The following ESR1 variants were observed in gnomAD, a reference collection of about 807,000 sequenced individuals.
The protein encoded by ESR1 is estrogen receptor 1.
In ESR1, 12 loss-of-function variants were observed where a neutral mutation model predicts 52.7. The observed-to-expected ratio is 0.23, with a 90% CI of 0.15 to 0.37. ESR1 has a LOEUF of 0.37. ESR1 is among the 10% of genes least tolerant of loss of function. The pLI is 1.00. For synonymous variants in ESR1, 305 were observed against 316.8 expected (o/e 0.96, Z 0.39); for missense variants, 584 against 779.7 (o/e 0.75, Z 2.99).
intron 4 of ESR1, among the ~76,000 whole-genome samples, chr6:151,993,851 C>G (rs1223740184): frequency 3.3e-5 from 5 of 152,164 alleles, no homozygotes; most frequent in Non-Finnish European, 7.3e-5. Context: ...CCATTGGACA[C>G]ACTGCCACTT....
intron 2 of ESR1, among the ~76,000 whole-genome samples, chr6:151,728,394 T>C (rs962401879): frequency 2.6e-5 from 4 of 152,290 alleles, no homozygotes; most frequent in South Asian, 2.1e-4. Context: ...CATTGAAAAA[T>C]GTTTAAATCT....
intron 2 of ESR1, among the ~76,000 whole-genome samples, chr6:151,772,053 C>A (rs1398952236): frequency 2.0e-5 from 3 of 152,156 alleles, no homozygotes; most frequent in Non-Finnish European, 4.4e-5. Flanking sequence ...TGCCTAAATG[C>A]CTCATTTTGG....
downstream of ESR1, among the ~76,000 whole-genome samples, chr6:152,105,065 C>T (rs926848): frequency 0.046 from 6,941 of 152,272 alleles, 374 homozygotes; most frequent in East Asian, 0.26. Flanking sequence ...GGAGAGGACA[C>T]GGAGGCTCTT....
chr6:151,850,017 TATATAC>T (rs1786106268), intron 2 of ESR1, among the ~76,000 whole-genome samples: 1 of 129,942 alleles, frequency 7.7e-6, no homozygotes, highest in Non-Finnish European at 1.6e-5. Context: ...ATTTTGTATA[TATATAC>T]AAAATTATAT....
intron 4 of ESR1, among the ~76,000 whole-genome samples, chr6:151,961,200 A>G (rs940269312): frequency 6.6e-6 from 1 of 152,072 alleles, no homozygotes; most frequent in Non-Finnish European, 1.5e-5. Flanking sequence ...TGTAAAAAGG[A>G]AAGGGAAGGA....
At chr6:151,709,465 A>C (rs1356653468) in intron 2 of ESR1, among the ~76,000 whole-genome samples, 1 of 152,162 alleles carries the variant, frequency 6.6e-6, no homozygotes, top group Non-Finnish European at 1.5e-5. Context: ...TATGGCTTTG[A>C]CATACTGAAT....
chr6:151,777,284 A>G (rs909429667), intron 2 of ESR1, among the ~76,000 whole-genome samples: 1 of 151,364 alleles, frequency 6.6e-6, no homozygotes, highest in East Asian at 2.0e-4. Context: ...AGCCTGGCTA[A>G]TTTTTTGTAT....
intron 4 of ESR1, among the ~76,000 whole-genome samples, chr6:151,975,169 C>A (rs974537557): frequency 1.4e-4 from 22 of 152,098 alleles, no homozygotes; most frequent in African/African-American, 5.1e-4. Flanking sequence ...GTCCTCTTGG[C>A]CTGGCCACTG....
chr6:151,941,584 G>A (rs764308098), intron 3 of ESR1, among the ~76,000 whole-genome samples: 3 of 150,910 alleles, frequency 2.0e-5, no homozygotes, highest in Non-Finnish European at 4.4e-5. Flanking sequence ...GAAGATGGTA[G>A]AGTCATATAG....
At chr6:151,816,280 C>T (rs1029851606) in intron 1 of ESR1, among the ~76,000 whole-genome samples, 3 of 152,226 alleles carry the variant, frequency 2.0e-5, no homozygotes, top group East Asian at 3.9e-4. Flanking sequence ...TAATGAGAAT[C>T]GATTCTGTAT....
chr6:151,874,099 C>G (rs1791426888), intron 2 of ESR1, among the ~76,000 whole-genome samples: 1 of 152,056 alleles, frequency 6.6e-6, no homozygotes, highest in Non-Finnish European at 1.5e-5. Context: ...ATTCATTTTT[C>G]TTTTAGAATT....
chr6:151,718,294 G>C (rs1373537826), intron 2 of ESR1, among the ~76,000 whole-genome samples: 1 of 152,168 alleles, frequency 6.6e-6, no homozygotes, highest in African/African-American at 2.4e-5. Flanking sequence ...TGGACAAGGA[G>C]CATAAGTGAA....
intron 5 of ESR1, among the ~76,000 whole-genome samples, chr6:152,048,855 C>T (rs1050553325): frequency 6.6e-6 from 1 of 152,212 alleles, no homozygotes; most frequent in African/African-American, 2.4e-5. Flanking sequence ...AGATATATAA[C>T]ATAGAACTCT....
intron 5 of ESR1, among the ~76,000 whole-genome samples, chr6:152,034,728 G>T (rs916121464): frequency 6.6e-6 from 1 of 152,146 alleles, no homozygotes; most frequent in African/African-American, 2.4e-5. Context: ...GTGGACAGAA[G>T]TGCCACAAAG....
rs1062577 is a variant in ESR1, at chr6:152,102,770, T to A, written c.*3804T>A. ...TGAGATTCAAGAAAAATTTCTATTC[T>A]TTTTTTTGCATCCAATTGTGCCTGA... On this transcript the variant is annotated 3_prime_UTR_variant, in exon 8 of 8. Coordinates refer to ENST00000206249, the MANE Select transcript of ESR1 (RefSeq NM_000125.4). The A allele has an allele frequency of 0.1, 21,823 of 216,682 alleles. 1,473 individuals carry two copies. Among genetic ancestry groups the A allele is most frequent in the East Asian group, 0.28 (4,172 of 14,756 alleles). The allele number at this position is 216,682 out of a possible 1,614,324, so 13.4% of individuals were successfully genotyped here.
chr6:151,966,975 T>C (rs2038341838), intron 4 of ESR1, among the ~76,000 whole-genome samples: 1 of 152,226 alleles, frequency 6.6e-6, no homozygotes, highest in African/African-American at 2.4e-5. Flanking sequence ...CTATTTCACG[T>C]GATCATTGCT....
At chr6:151,666,534 C>T (rs1234127449) in intron 1 of ESR1, among the ~76,000 whole-genome samples, 1 of 152,182 alleles carries the variant, frequency 6.6e-6, no homozygotes, top group Non-Finnish European at 1.5e-5. Context: ...GGGTCCACTG[C>T]AGTTTTCTTC....
At chr6:151,993,523 C>G (rs921030716) in intron 4 of ESR1, among the ~76,000 whole-genome samples, 1 of 152,154 alleles carries the variant, frequency 6.6e-6, no homozygotes. Context: ...CAGAGGAGCA[C>G]GAGGGCACAT....
intron 6 of ESR1, among the ~76,000 whole-genome samples, chr6:152,118,927 A>C (rs2051242904): frequency 6.6e-6 from 1 of 152,110 alleles, no homozygotes; most frequent in South Asian, 2.1e-4. Flanking sequence ...CTCCCCAGGC[A>C]CTTCTGGACC....
Sources: allele counts gnomAD v4.1 joint callset (sites outside exome capture counted in the v4.1 genomes callset), GRCh38; gene constraint gnomAD v4.1.1; transcripts MANE v1.5; gene names NCBI Gene and HGNC (gene_info 2026-07-23, HGNC 2026-07-21).